Variants in SLC25A51 observed in about 807,000 individuals in gnomAD.
The protein encoded by SLC25A51 is mitochondrial nicotinamide adenine dinucleotide transporter SLC25A51.
A neutral mutation model predicts 19.1 loss-of-function variants in SLC25A51; 11 were observed. The ratio of observed to expected loss-of-function variants is 0.58; its 90% CI spans 0.36 to 0.96. The LOEUF is 0.96. Ranked by LOEUF, SLC25A51 falls within the 40% of genes least tolerant of loss-of-function variation. The pLI, the probability that SLC25A51 is intolerant of heterozygous loss-of-function variation, is 0.01. For missense variants in SLC25A51, 201 were observed against 365.4 expected, an observed-to-expected ratio of 0.55 and a Z score of 3.67; for synonymous variants, 105 against 133.6, an observed-to-expected ratio of 0.79 and a Z score of 1.47.
chr9:37,885,352 A>AAAAC (rs1554693008), downstream of SLC25A51, among the ~76,000 whole-genome samples: 17 of 151,434 alleles, frequency 1.1e-4, no homozygotes, highest in African/African-American at 3.9e-4. Flanking sequence ...TAAAAAAAAA[A>AAAAC]AAAAAAAAAA....
rs1236332818 is a variant in SLC25A51 at position 37,898,803 on chromosome 9, G to T, written c.-43+1026C>A. On this transcript the variant is annotated intron_variant, in intron 2 of 2. Coordinates refer to ENST00000242275, the MANE Select transcript of SLC25A51 (RefSeq NM_033412.4). ...AAACTGAGAGAATTTTCAAACATGG[G>T]AAGGAAATATACATTTATTATTGTT... is the stretch of plus-strand genomic sequence containing the variant. 2.0e-5 allele frequency among the ~76,000 whole-genome samples: 3 copies of T among 152,102 alleles called. No homozygotes were observed. The East Asian group carries it at 5.8e-4, about 29-fold the overall frequency.
intron 1 of SLC25A51, chr9:37,903,464 C>G (rs559655363): frequency 6.6e-5 from 10 of 152,372 alleles, no homozygotes; most frequent in African/African-American, 2.4e-4. Flanking sequence ...TACAAGTGAG[C>G]TTCCTACAAC....
chr9:37,895,688 CTA>C (rs776355322), intron 2 of SLC25A51, among the ~76,000 whole-genome samples: 53 of 152,170 alleles, frequency 3.5e-4, no homozygotes, highest in Non-Finnish European at 5.1e-4. Flanking sequence ...TTTTCCATGT[CTA>C]TATCATTTTT....
chr9:37,903,591 A>C (rs1318704499), intron 1 of SLC25A51: 2 of 152,266 alleles, frequency 1.3e-5, no homozygotes, highest in Admixed American at 1.3e-4. Flanking sequence ...GGACAAGATC[A>C]CTAAGTCCTC....
At chr9:37,902,020 T>C (rs571954534) in intron 1 of SLC25A51, among the ~76,000 whole-genome samples, 1 of 152,238 alleles carries the variant, frequency 6.6e-6, no homozygotes, top group Non-Finnish European at 1.5e-5. Flanking sequence ...TTTAGATTAA[T>C]GTACATGATT....
At chr9:37,885,881 C>T (rs972915976), downstream of SLC25A51, 8 of 1,591,942 alleles carry the variant, frequency 5.0e-6, no homozygotes, top group East Asian at 1.8e-4. Flanking sequence ...CGTGCAAACC[C>T]CCCCCTCCCC....
In SLC25A51 at chr9:37,881,200, A is replaced by AT. The variant is rs1314883895; in HGVS notation, n.522+317dup. Among the ~76,000 whole-genome samples, 340 of 129,948 alleles carry AT rather than the reference A, an allele frequency of 2.6e-3. 2 individuals carry two copies. Among genetic ancestry groups the AT allele is most frequent in the African/African-American group, 9.2e-3 (301 of 32,660 alleles). The allele number at this position is 129,948 out of a possible 152,430, so 85.3% of individuals were successfully genotyped here. A position where few individuals can be genotyped will look rare whatever the true frequency, so the allele number is the denominator to read the frequency against. On this transcript the variant is annotated intron_variant and non_coding_transcript_variant, in intron 3 of 3. Coordinates refer to the SLC25A51 transcript ENST00000496760. ...AGCAGCTCTGAAGGCAAAAGTAGAT[A>AT]TAAAAAAAAAAAAAAAATGAAAAGC...
chr9:37,885,896 A>T, downstream of SLC25A51: 1 of 1,521,860 alleles, frequency 6.6e-7, no homozygotes. Context: ...CTCCCCATAT[A>T]TGGGCCCTGA....
At chr9:37,885,691 CG>C, downstream of SLC25A51, 1 of 1,359,060 alleles carries the variant, frequency 7.4e-7, no homozygotes, top group Non-Finnish European at 1.1e-6. Flanking sequence ...GAGAGAGAAG[CG>C]GAGATCCTGA....
At chr9:37,899,988 C>CTTTTTTTTTTTTTTTTTTTTTTTTT (rs35821924) in intron 1 of SLC25A51, 38 bp from the exon 2 acceptor site, 1 of 57,072 alleles carries the variant, frequency 1.8e-5, no homozygotes, top group Non-Finnish European at 3.1e-5. Flanking sequence ...TTTATATAGC[C>CTTTTTTTTTTTTTTTTTTTTTTTTT]TTTTTTTTTT....
At chr9:37,885,885 C>A (rs930369049), downstream of SLC25A51, 10 of 1,598,314 alleles carry the variant, frequency 6.3e-6, no homozygotes, top group East Asian at 8.9e-5. Context: ...CAAACCCCCC[C>A]CTCCCCATAT....
chr9:37,896,252 G>A (rs1426780116), intron 2 of SLC25A51, among the ~76,000 whole-genome samples: 1 of 151,920 alleles, frequency 6.6e-6, no homozygotes, highest in Non-Finnish European at 1.5e-5. Context: ...GGGCGTTTGC[G>A]TTTATTTCTG....
chr9:37,887,934 G>T lies in SLC25A51; in HGVS notation c.617C>A (p.Thr206Asn), dbSNP rs1250821998. The change falls in exon 3 of 3, where the codon ACT (threonine) becomes AAT (asparagine). Residue 206 changes from threonine to asparagine, a missense_variant. Physicochemically the swap from Thr to Asn is moderately conservative, Grantham distance 65. Transcript: ENST00000242275. ...ATCATTGACCAGATGAGCACTGTGAGTCGTTGCGGTAGGCAGATGCTCCTT... is the reference window on the plus strand; with the variant it reads ...ATCATTGACCAGATGAGCACTGTGATTCGTTGCGGTAGGCAGATGCTCCTT... ...PIKEHLPTATTHSAHLVNDFI... is the reference protein window; with the variant it reads ...PIKEHLPTATNHSAHLVNDFI... The T allele has an allele frequency of 1.2e-6, 2 of 1,611,892 alleles. No individual in the cohort carries two copies. Among genetic ancestry groups the T allele is most frequent in the African/African-American group, 1.3e-5 (1 of 74,852 alleles).
At position 37,899,829 on chromosome 9, in the gene SLC25A51, C is replaced by T; in HGVS notation, c.-43G>A. The T allele has an allele frequency of 6.8e-6, 1 of 148,048 alleles. No individual in the cohort carries two copies. The allele number at this position is 148,048 out of a possible 1,614,324, so 9.2% of individuals were successfully genotyped here. ...TTCCTTGAAGTTTAATTGCATTCAC[C>T]TGTGACATCTGAGCCTGGAGTTTGG... is the stretch of plus-strand genomic sequence containing the variant. On this transcript the variant is annotated splice_region_variant and 5_prime_UTR_variant, in exon 2 of 3. Coordinates refer to ENST00000242275, the MANE Select transcript of SLC25A51 (RefSeq NM_033412.4).
chr9:37,898,573 G>C (rs1278452056), intron 2 of SLC25A51, among the ~76,000 whole-genome samples: 4 of 151,222 alleles, frequency 2.6e-5, no homozygotes, highest in Non-Finnish European at 5.9e-5. Flanking sequence ...AAAAAAATTA[G>C]CCGGGCATGG....
chr9:37,898,481 G>A (rs560108367), intron 2 of SLC25A51, among the ~76,000 whole-genome samples: 24 of 152,218 alleles, frequency 1.6e-4, no homozygotes, highest in African/African-American at 5.1e-4. Context: ...CTTGAACCTC[G>A]GAGGCGGAGG....
rs1438442885 is a variant in SLC25A51, at chr9:37,887,846, T to C, written c.705A>G (p.Val235=). 1.2e-6 allele frequency: 2 copies of C among 1,612,530 alleles called. No individual in the cohort carries two copies. The highest frequency in any genetic ancestry group is 2.7e-5 in the African/African-American group (2 of 74,862). The change falls in exon 3 of 3, where the codon GTA becomes GTG. Residue 235 remains valine (V), a synonymous_variant. Coordinates refer to ENST00000242275, the MANE Select transcript of SLC25A51 (RefSeq NM_033412.4). ...LGFLFFPINV[V]KTRIQSQIGG... ...CAATCTGAGACTGTATGCGAGTTTT[T>C]ACAACATTAATTGGAAAAAACAAGA...
chr9:37,882,337 T>C (rs1219613265), intron 2 of SLC25A51, among the ~76,000 whole-genome samples: 1 of 152,260 alleles, frequency 6.6e-6, no homozygotes, highest in African/African-American at 2.4e-5. Flanking sequence ...TCGTTCAACA[T>C]GATTGGCTTC....
chr9:37,886,020 C>T (rs1326340086), downstream of SLC25A51: 37 of 1,613,458 alleles, frequency 2.3e-5, no homozygotes, highest in Non-Finnish European at 3.1e-5. Context: ...CAATCATTTG[C>T]CCCTATCTAT....
Sources: gnomAD v4.1 joint callset for allele counts (sites outside exome capture counted in the v4.1 genomes callset) on GRCh38, gnomAD v4.1.1 for gene constraint, MANE v1.5 for transcripts, NCBI Gene and HGNC (gene_info 2026-07-23, HGNC 2026-07-21) for gene names.